Variants in GRM7 observed in about 807,000 individuals in gnomAD.
GRM7 encodes the protein metabotropic glutamate receptor 7.
GRM7 carries 35 observed loss-of-function variants against 84.5 expected under a neutral mutation model. The observed-to-expected ratio is 0.41, with a 90% CI of 0.32 to 0.55. The LOEUF is 0.55. Among genes scored for constraint, GRM7 ranks in the 20% least tolerant of loss-of-function variants. The probability of loss-of-function intolerance (pLI) is 0.19; values close to 1 mark genes in which losing one functional copy is unlikely to be tolerated. For synonymous variants in GRM7, 487 were observed against 455.1 expected (o/e 1.07, Z -0.89); for missense variants, 1,003 against 1,194.6 (o/e 0.84, Z 2.36).
At chr3:7,363,140 T>A (rs1693740919) in intron 4 of GRM7, among the ~76,000 whole-genome samples, 1 of 151,452 alleles carries the variant, frequency 6.6e-6, no homozygotes, top group African/African-American at 2.4e-5. Context: ...AAATAAAATA[T>A]AATAAATGAT....
At chr3:7,621,371 T>C (rs1697343317) in intron 8 of GRM7, among the ~76,000 whole-genome samples, 1 of 152,056 alleles carries the variant, frequency 6.6e-6, no homozygotes, top group Admixed American at 6.6e-5. Context: ...GCACTAATTG[T>C]GATATATTAG....
chr3:6,895,227 T>A (rs1317805545), intron 1 of GRM7, among the ~76,000 whole-genome samples: 2 of 152,176 alleles, frequency 1.3e-5, no homozygotes, highest in African/African-American at 4.8e-5. Context: ...ATATACTTGA[T>A]ACACCAAAAG....
At chr3:7,035,163 G>A (rs1311244533) in intron 1 of GRM7, among the ~76,000 whole-genome samples, 1 of 152,120 alleles carries the variant, frequency 6.6e-6, no homozygotes, top group Admixed American at 6.6e-5. Flanking sequence ...AGGGCTGCTT[G>A]TCAAATAATT....
chr3:7,048,928 T>C (rs1172403146), intron 1 of GRM7, among the ~76,000 whole-genome samples: 13 of 151,984 alleles, frequency 8.6e-5, no homozygotes, highest in African/African-American at 3.1e-4. Flanking sequence ...TTTCCTGTGT[T>C]TATGCCATCT....
chr3:7,561,421 A>G, intron 7 of GRM7: 1 of 446,514 alleles, frequency 2.2e-6, no homozygotes, highest in South Asian at 1.6e-5. Flanking sequence ...AATACAGTGC[A>G]TGGAACACAG....
Position 7,587,233 on chromosome 3 carries a change from G to A in GRM7, c.2451+7876G>A, listed in dbSNP as rs1695560577. 4.0e-5 allele frequency among the ~76,000 whole-genome samples: 6 copies of A among 151,880 alleles called. No individual in the cohort carries two copies. In the South Asian group the frequency reaches 1.0e-3, roughly 26 times the overall value. ...TTTTCTTGAAATGTAATCATTAAGC[G>A]GCCTTATGCCAACTGGCCTATTTGC... On this transcript the variant is annotated intron_variant, in intron 8 of 9. Coordinates refer to ENST00000357716, the MANE Select transcript of GRM7 (RefSeq NM_000844.4).
chr3:7,223,583 G>A (rs1300532215), intron 2 of GRM7, among the ~76,000 whole-genome samples: 3 of 151,400 alleles, frequency 2.0e-5, no homozygotes, highest in Non-Finnish European at 2.9e-5. Context: ...CTTTTTTATA[G>A]AAATGTTTTA....
chr3:7,062,095 C>T (rs572682706), intron 1 of GRM7, among the ~76,000 whole-genome samples: 39 of 151,582 alleles, frequency 2.6e-4, no homozygotes, highest in Non-Finnish European at 4.9e-4. Context: ...AAAGTAAGCC[C>T]ACTCCGCTAG....
chr3:6,892,956 A>T (rs1267569965), intron 1 of GRM7: 1 of 152,164 alleles, frequency 6.6e-6, no homozygotes, highest in East Asian at 1.9e-4. Context: ...ATTTCATGTA[A>T]TGTGTCCTCT....
At chr3:7,367,982 C>T (rs113094307) in intron 4 of GRM7, among the ~76,000 whole-genome samples, 1 of 670 alleles carries the variant, frequency 1.5e-3, no homozygotes, top group African/African-American at 6.1e-3. Flanking sequence ...AACAACTACA[C>T]AGACAATGAA....
At chr3:7,007,490 C>G (rs1301170268) in intron 1 of GRM7, among the ~76,000 whole-genome samples, 1 of 152,128 alleles carries the variant, frequency 6.6e-6, no homozygotes, top group Non-Finnish European at 1.5e-5. Context: ...AAATATCTCT[C>G]AATATCTGGA....
chr3:7,580,089 T>C (rs532740522), intron 8 of GRM7, among the ~76,000 whole-genome samples: 17 of 152,366 alleles, frequency 1.1e-4, no homozygotes, highest in African/African-American at 3.8e-4. Flanking sequence ...CACATGCACC[T>C]TCCAGGTAGT....
intron 7 of GRM7, among the ~76,000 whole-genome samples, chr3:7,502,070 G>A (rs6443111): frequency 0.7 from 105,806 of 152,084 alleles, 37,328 homozygotes; most frequent in East Asian, 0.8. Context: ...TGCCTGCTGC[G>A]TATAAATTTC....
At chr3:7,138,166 A>C (rs985223925) in intron 1 of GRM7, among the ~76,000 whole-genome samples, 3 of 152,066 alleles carry the variant, frequency 2.0e-5, no homozygotes, top group Non-Finnish European at 4.4e-5. Flanking sequence ...CTACTCAAAA[A>C]CAAAAAACAA....
At chr3:7,324,334 T>C (rs1700900535) in intron 4 of GRM7, among the ~76,000 whole-genome samples, 1 of 152,214 alleles carries the variant, frequency 6.6e-6, no homozygotes, top group South Asian at 2.1e-4. Flanking sequence ...GAATCACTTC[T>C]CTATTTACTT....
At chr3:6,927,467 A>AG (rs1697341393) in intron 1 of GRM7, among the ~76,000 whole-genome samples, 21 of 41,766 alleles carry the variant, frequency 5.0e-4, no homozygotes, top group African/African-American at 1.1e-3. Flanking sequence ...GAGAGAGAGA[A>AG]AGAAAGAAAG....
chr3:7,481,969 A>G (rs1188564410), intron 7 of GRM7, among the ~76,000 whole-genome samples: 1 of 152,132 alleles, frequency 6.6e-6, no homozygotes, highest in Non-Finnish European at 1.5e-5. Flanking sequence ...CGAGTGGATC[A>G]CAAAGTCAGG....
chr3:7,312,655 CT>C (rs1363024295), intron 4 of GRM7, among the ~76,000 whole-genome samples: 1 of 152,088 alleles, frequency 6.6e-6, no homozygotes, highest in East Asian at 1.9e-4. Flanking sequence ...CAAATGCTGA[CT>C]TACCCAACCT....
chr3:7,141,355 A>G (rs940525745), intron 1 of GRM7, among the ~76,000 whole-genome samples: 7 of 152,048 alleles, frequency 4.6e-5, no homozygotes, highest in Non-Finnish European at 8.8e-5. Context: ...CAATGAAAAT[A>G]ATTATTTAGA....
Sources: gnomAD v4.1 joint callset for allele counts (sites outside exome capture counted in the v4.1 genomes callset) on GRCh38, gnomAD v4.1.1 for gene constraint, MANE v1.5 for transcripts, NCBI Gene and HGNC (gene_info 2026-07-23, HGNC 2026-07-21) for gene names.